SMIM31: variants seen among roughly 807,000 people sequenced by gnomAD.
SMIM31 encodes the protein small integral membrane protein 31.
rs1732930236 is a variant in SMIM31, at chr4:164,780,253, C to T, written c.112+9698C>T. On this transcript the variant is annotated intron_variant, in intron 2 of 2. Transcript: ENST00000507311. The stretch of plus-strand genomic sequence containing the variant: ...CCAGCCTGGCCAACATGGTGAAACC[C>T]CGTCTCTACTAAAAATACAAAAAAT... 3.3e-5 allele frequency among the ~76,000 whole-genome samples: 5 copies of T among 152,324 alleles called. No homozygotes were observed. The Middle Eastern group carries it at 0.01, about 311-fold the overall frequency.
chr4:164,783,146 A>G (rs1732979570), intron 2 of SMIM31, among the ~76,000 whole-genome samples: 1 of 137,590 alleles, frequency 7.3e-6, no homozygotes, highest in East Asian at 2.2e-4. Context: ...TGAACCCGGG[A>G]GGTGGAGGTT....
chr4:164,766,187 G>A (rs1230787491), intron 1 of SMIM31, among the ~76,000 whole-genome samples: 1 of 152,146 alleles, frequency 6.6e-6, no homozygotes, highest in African/African-American at 2.4e-5. Flanking sequence ...CCTGTTTTAT[G>A]GAAACCTTAA....
chr4:164,759,919 T>G (rs557868321), intron 1 of SMIM31, among the ~76,000 whole-genome samples: 1 of 152,212 alleles, frequency 6.6e-6, no homozygotes, highest in African/African-American at 2.4e-5. Flanking sequence ...GTTCCAACTT[T>G]TAATATGAGG....
At chr4:164,778,668 A>C (rs1327690652) in intron 2 of SMIM31, among the ~76,000 whole-genome samples, 2 of 152,198 alleles carry the variant, frequency 1.3e-5, no homozygotes, top group East Asian at 3.8e-4. Flanking sequence ...GGAGATAAGG[A>C]AAATGAAATT....
At chr4:164,799,990 ACC>A (rs1733261947) in intron 2 of SMIM31, among the ~76,000 whole-genome samples, 1 of 152,128 alleles carries the variant, frequency 6.6e-6, no homozygotes, top group Non-Finnish European at 1.5e-5. Context: ...ACCCAACACA[ACC>A]CCTTTAAAAC....
intron 2 of SMIM31, among the ~76,000 whole-genome samples, chr4:164,788,338 A>T (rs1733053215): frequency 6.6e-6 from 1 of 152,062 alleles, no homozygotes; most frequent in Non-Finnish European, 1.5e-5. Flanking sequence ...TGTGAGAGAT[A>T]TTAGAATTTT....
chr4:164,801,195 T>C lies in SMIM31; in HGVS notation c.*1T>C. The C allele has an allele frequency of 2.5e-6, 1 of 398,902 alleles. No homozygotes were observed. The highest frequency in any genetic ancestry group is 4.4e-6 in the Non-Finnish European group (1 of 226,032). 24.7% of individuals were successfully genotyped at this position (398,902 alleles called of 1,614,324 possible). ...CAGAATTGAAGCTGTTGAGCTATGA[T>C]CTCATAGCCACCGATATTTCTCGCT... On this transcript the variant is annotated 3_prime_UTR_variant, in exon 3 of 3. Coordinates refer to ENST00000507311, the MANE Select transcript of SMIM31 (RefSeq NM_001352885.1).
chr4:164,765,588 C>G (rs573730861), intron 1 of SMIM31, among the ~76,000 whole-genome samples: 3 of 130,030 alleles, frequency 2.3e-5, no homozygotes, highest in African/African-American at 8.8e-5. Flanking sequence ...GAGTCTTGTT[C>G]AGAATTTTTA....
chr4:164,777,552 C>T (rs1175071295), intron 2 of SMIM31, among the ~76,000 whole-genome samples: 1 of 152,140 alleles, frequency 6.6e-6, no homozygotes, highest in East Asian at 1.9e-4. Context: ...ACACTAGGCC[C>T]TGTCTTTGAA....
intron 2 of SMIM31, among the ~76,000 whole-genome samples, chr4:164,773,811 G>T (rs968337775): frequency 1.3e-5 from 2 of 152,158 alleles, no homozygotes; most frequent in African/African-American, 4.8e-5. Context: ...GCCAAAGGGT[G>T]ACTGTTAGTG....
Position 164,767,444 on chromosome 4 carries a change from GATA to G in SMIM31, c.-25-2969_-25-2967del, listed in dbSNP as rs564188289. On this transcript the variant is annotated intron_variant, in intron 1 of 2. Transcript: ENST00000507311. ...ATGATTTACCTACTATCTGTTACTA[GATA>G]ATAATTTCAGTTGGTCCTAACCCTT... Among the ~76,000 whole-genome samples the G allele has an allele frequency of 2.1e-3, 321 of 152,238 alleles. 1 individual carries two copies. The highest frequency in any genetic ancestry group is 3.5e-3 in the Non-Finnish European group (238 of 68,022).
intron 2 of SMIM31, among the ~76,000 whole-genome samples, chr4:164,773,597 G>GC: frequency 6.6e-6 from 1 of 152,234 alleles, no homozygotes; most frequent in Non-Finnish European, 1.5e-5. Context: ...GGAGGTAACT[G>GC]CCCCCATGAT....
At chr4:164,757,451 C>A (rs1253138776) in intron 1 of SMIM31, among the ~76,000 whole-genome samples, 1 of 151,588 alleles carries the variant, frequency 6.6e-6, no homozygotes, top group African/African-American at 2.4e-5. Context: ...TTTTGTTTGG[C>A]TATTAATTTC....
intron 2 of SMIM31, among the ~76,000 whole-genome samples, chr4:164,778,882 A>T (rs1732911441): frequency 6.6e-6 from 1 of 152,064 alleles, no homozygotes; most frequent in East Asian, 1.9e-4. Context: ...ACATAGACAG[A>T]TACTGATGAT....
chr4:164,792,995 A>G (rs986682225), intron 2 of SMIM31, among the ~76,000 whole-genome samples: 59 of 152,312 alleles, frequency 3.9e-4, no homozygotes, highest in African/African-American at 1.4e-3. Flanking sequence ...ACAGGTGTTG[A>G]GAAAACTGAA....
chr4:164,758,484 T>G (rs1732596256), intron 1 of SMIM31, among the ~76,000 whole-genome samples: 1 of 152,146 alleles, frequency 6.6e-6, no homozygotes. Flanking sequence ...TGGTGTTAGC[T>G]CTAAGTTTTT....
Position 164,770,500 on chromosome 4 carries a change from C to T in SMIM31, c.57C>T (p.Ile19=). Residue 19 remains isoleucine (I), a synonymous_variant, in exon 2 of 3, where the codon ATC becomes ATT. Coordinates refer to ENST00000507311, the MANE Select transcript of SMIM31 (RefSeq NM_001352885.1). ...CATTCATTTTATTGGCTTTTGTTAT[C>T]TTTTCCTTATTTACCCTGGCTTCCA... ...EMAFILLAFV[I]FSLFTLASIY... The T allele has an allele frequency of 2.5e-6, 1 of 398,496 alleles. No individual in the cohort carries two copies. Among genetic ancestry groups the T allele is most frequent in the Non-Finnish European group, 4.4e-6 (1 of 225,880 alleles). The allele number at this position is 398,496 out of a possible 1,614,324, so 24.7% of individuals were successfully genotyped here.
chr4:164,775,657 C>T (rs1384266637), intron 2 of SMIM31, among the ~76,000 whole-genome samples: 2 of 152,160 alleles, frequency 1.3e-5, no homozygotes, highest in Non-Finnish European at 2.9e-5. Flanking sequence ...TTTGACAAAA[C>T]ACAGTCTGGT....
At chr4:164,761,540 A>G (rs1379560913) in intron 1 of SMIM31, among the ~76,000 whole-genome samples, 1 of 152,132 alleles carries the variant, frequency 6.6e-6, no homozygotes, top group Non-Finnish European at 1.5e-5. Flanking sequence ...GGTCAATTCT[A>G]CTGTCCAGCA....
Sources: gnomAD v4.1 joint callset for allele counts (sites outside exome capture counted in the v4.1 genomes callset) on GRCh38, gnomAD v4.1.1 for gene constraint, MANE v1.5 for transcripts, NCBI Gene and HGNC (gene_info 2026-07-23, HGNC 2026-07-21) for gene names.